Variants in MGRN1 observed in about 807,000 individuals in gnomAD.
MGRN1 encodes mahogunin ring finger 1.
Under a neutral mutation model 69.2 loss-of-function variants are expected in MGRN1, and 29 were observed. The ratio of observed to expected loss-of-function variants is 0.42; its 90% confidence interval spans 0.31 to 0.57. The LOEUF is 0.57. Ranked by LOEUF, MGRN1 falls within the 20% of genes least tolerant of loss-of-function variation. The pLI, the probability that MGRN1 is intolerant of heterozygous loss-of-function variation, is 0.15. For missense variants in MGRN1, 998 were observed against 796.2 expected (o/e 1.25, Z -3.05); for synonymous variants, 470 against 344.2 (o/e 1.37, Z -4.04).
chr16:4,643,744 A>T (rs745656318), intron 1 of MGRN1, among the ~76,000 whole-genome samples: 1 of 152,298 alleles, frequency 6.6e-6, no homozygotes, highest in African/African-American at 2.4e-5. Context: ...AATTTTAAAT[A>T]ATTTTACATC....
intron 13 of MGRN1, among the ~76,000 whole-genome samples, chr16:4,682,619 C>T (rs1027816913): frequency 1.3e-5 from 2 of 152,154 alleles, no homozygotes; most frequent in Non-Finnish European, 1.5e-5. Flanking sequence ...GCCCCTCTGT[C>T]GGGCGGGTCT....
intron 2 of MGRN1, 126 bp from the exon 3 acceptor site, chr16:4,651,837 T>C (rs2141882197): frequency 1.2e-6 from 1 of 826,884 alleles, no homozygotes; most frequent in Non-Finnish European, 2.1e-6. Context: ...GCACCCAGTA[T>C]AGCCCCTCCC....
Position 4,687,067 on chromosome 16 carries a change from G to A in MGRN1, c.1619-1729G>A, listed in dbSNP as rs1384190658. ...GCCACCGTGGGCCTGGCATCACCAT[G>A]GGCCTGGCACACAGTCCCTCGTGGG... On this transcript the variant is annotated intron_variant, in intron 16 of 16. Transcript: ENST00000262370. 4.1e-6 allele frequency: 4 copies of A among 985,540 alleles called. No homozygotes were observed. The African/African-American group carries it at 5.2e-5, about 13-fold the overall frequency. The allele number at this position is 985,540 out of a possible 1,614,324, so 61.0% of individuals were successfully genotyped here.
Position 4,682,837 on chromosome 16 carries a change from C to G in MGRN1, c.1373C>G (p.Pro458Arg). The change falls in exon 14 of 17, where the codon CCG becomes CGG. Residue 458 changes from proline (P) to arginine (R), a missense_variant. Pro to Arg is a moderately radical substitution (Grantham distance 103, BLOSUM62 -2). Transcript: ENST00000262370. ...TCTGTCCCCAGCACCCTACGGTCCC[C>G]GTCTTCCCCCATCCACGAAGAGGAT... ...SKAPDSTLRS[P>R]SSPIHEEDEE... 6.3e-7 allele frequency: 1 copy of G among 1,593,446 alleles called. No homozygotes were observed. Among genetic ancestry groups the G allele is most frequent in the Non-Finnish European group, 8.6e-7 (1 of 1,165,960 alleles).
At chr16:4,664,844 G>C in intron 6 of MGRN1, 69 bp downstream of exon 6, 4 of 1,575,434 alleles carry the variant, frequency 2.5e-6, no homozygotes, top group Non-Finnish European at 3.5e-6. Context: ...CTTGAGGGAG[G>C]AGTGCTTGCA....
At chr16:4,637,919 C>T (rs1326628101) in intron 1 of MGRN1, among the ~76,000 whole-genome samples, 1 of 152,178 alleles carries the variant, frequency 6.6e-6, no homozygotes, top group East Asian at 1.9e-4. Flanking sequence ...ACACCCCCAA[C>T]AAAAAAGGTG....
chr16:4,679,094 A>T (rs1220417756), intron 11 of MGRN1, among the ~76,000 whole-genome samples: 1 of 152,148 alleles, frequency 6.6e-6, no homozygotes, highest in Non-Finnish European at 1.5e-5. Context: ...TCCTGGCACC[A>T]CGCTCTCCAG....
In MGRN1 at chr16:4,644,153, TG is replaced by T. The variant is rs113015865; in HGVS notation, c.89-6211del. ...CTACCACTCCCGGCTAATTTTTTTT[TG>T]TTTTGTTTTGTATTTTTAGTAGAGA... On this transcript the variant is annotated intron_variant, in intron 1 of 16. Transcript: ENST00000262370. 2.0e-3 allele frequency among the ~76,000 whole-genome samples: 301 copies of T among 151,516 alleles called. 2 individuals are homozygous for T. Among genetic ancestry groups the T allele is most frequent in the African/African-American group, 6.8e-3 (281 of 41,174 alleles).
At chr16:4,671,503 A>C in intron 9 of MGRN1, 44 bp downstream of exon 9, 1 of 1,589,066 alleles carries the variant, frequency 6.3e-7, no homozygotes, top group Admixed American at 1.7e-5. Context: ...ACAGAAGCCC[A>C]CACCAGGAGC....
chr16:4,688,604 C>A (rs544320112), intron 16 of MGRN1, 192 bp from the exon 17 acceptor site: 1 of 1,356,702 alleles, frequency 7.4e-7, no homozygotes, highest in Non-Finnish European at 9.5e-7. Flanking sequence ...AGGGACACAG[C>A]GTATTTGGCA....
chr16:4,636,992 G>A (rs1318720316), intron 1 of MGRN1, among the ~76,000 whole-genome samples: 1 of 151,808 alleles, frequency 6.6e-6, no homozygotes, highest in East Asian at 1.9e-4. Flanking sequence ...GGTGGCGTGC[G>A]CCTGTAGTCC....
chr16:4,680,782 G>T (rs1176867167), intron 12 of MGRN1: 2 of 152,346 alleles, frequency 1.3e-5, no homozygotes. Flanking sequence ...CATTGCCCGG[G>T]CCGTGCCCGC....
chr16:4,640,500 G>A (rs2078134863), intron 1 of MGRN1: 1 of 152,280 alleles, frequency 6.6e-6, no homozygotes, highest in Non-Finnish European at 1.5e-5. Flanking sequence ...CGGGCAGGGA[G>A]GCAGTGAACT....
chr16:4,659,497 G>A (rs1230152229), intron 5 of MGRN1, among the ~76,000 whole-genome samples: 4 of 152,236 alleles, frequency 2.6e-5, no homozygotes, highest in African/African-American at 7.2e-5. Flanking sequence ...TGAGGGGTAC[G>A]GTGTTTAGGG....
At chr16:4,654,494 C>T (rs924511627) in intron 4 of MGRN1, among the ~76,000 whole-genome samples, 1 of 152,214 alleles carries the variant, frequency 6.6e-6, no homozygotes, top group Non-Finnish European at 1.5e-5. Flanking sequence ...GCACATGTGC[C>T]CCAAGTGGCT....
At chr16:4,660,870 C>T (rs2078662334) in intron 5 of MGRN1, among the ~76,000 whole-genome samples, 1 of 152,226 alleles carries the variant, frequency 6.6e-6, no homozygotes, top group Non-Finnish European at 1.5e-5. Context: ...AGGGAGTGTC[C>T]CTCACTCTGG....
At chr16:4,672,201 G>A (rs1475797195) in intron 9 of MGRN1, among the ~76,000 whole-genome samples, 1 of 152,092 alleles carries the variant, frequency 6.6e-6, no homozygotes, top group Non-Finnish European at 1.5e-5. Flanking sequence ...ACCGCGCCCA[G>A]CCTAATTTTT....
rs1486271160 is a variant in MGRN1, at chr16:4,681,318, G to C, written c.1132-232G>C. On this transcript the variant is annotated intron_variant, in intron 12 of 16. Transcript: ENST00000262370. ...GGGGCGGTTCTTGGCAGATGCCCTCGTGCCCGTCATCCCAGGCACCAGCGT... is the reference window on the plus strand; with the variant it reads ...GGGGCGGTTCTTGGCAGATGCCCTCCTGCCCGTCATCCCAGGCACCAGCGT... 7.3e-6 allele frequency: 4 copies of C among 548,298 alleles called. No homozygotes were observed. The South Asian group carries it at 1.0e-4, about 14-fold the overall frequency. The allele number at this position is 548,298 out of a possible 1,614,324, so 34.0% of individuals were successfully genotyped here.
At chr16:4,637,361 T>G (rs1898355445) in intron 1 of MGRN1, among the ~76,000 whole-genome samples, 1 of 151,984 alleles carries the variant, frequency 6.6e-6, no homozygotes, top group African/African-American at 2.4e-5. Flanking sequence ...ACCTGGGAGA[T>G]GGAGGTTACA....
Sources: allele counts gnomAD v4.1 joint callset (sites outside exome capture counted in the v4.1 genomes callset), GRCh38; gene constraint gnomAD v4.1.1; transcripts MANE v1.5; gene names NCBI Gene and HGNC (gene_info 2026-07-23, HGNC 2026-07-21).